HMMR: variants seen among roughly 807,000 people sequenced by gnomAD.
HMMR encodes hyaluronan mediated motility receptor, also known as intracellular hyaluronic acid-binding protein.
A neutral mutation model predicts 101.0 loss-of-function variants in HMMR; 108 were observed. The observed-to-expected ratio is 1.07, with a 90% CI of 0.92 to 1.25. The LOEUF (loss-of-function observed/expected upper bound fraction) is 1.25. Ranked by LOEUF, HMMR falls within the 50% of genes most tolerant of loss-of-function variation. The probability of loss-of-function intolerance (pLI) is 0.00; values close to 1 mark genes in which losing one functional copy is unlikely to be tolerated. For synonymous variants in HMMR, 296 were observed against 276.4 expected, an observed-to-expected ratio of 1.07 and a Z score of -0.70; for missense variants, 813 against 788.7, an observed-to-expected ratio of 1.03 and a Z score of -0.37.
chr5:163,481,195 C>T (rs186694280), intron 12 of HMMR, among the ~76,000 whole-genome samples: 1 of 151,590 alleles, frequency 6.6e-6, no homozygotes, highest in Non-Finnish European at 1.5e-5. Flanking sequence ...TGATCTGTTC[C>T]CACATGTGAT....
chr5:163,482,576 A>T, intron 12 of HMMR, 66 bp from the exon 13 acceptor site: 1 of 1,147,382 alleles, frequency 8.7e-7, no homozygotes, highest in Non-Finnish European at 1.3e-6. Flanking sequence ...AGTGTAAACT[A>T]ATCAGTTATG....
rs762439036 is a variant in HMMR at position 163,491,102 on chromosome 5, ATTC to A, written c.2126-5_2126-3del. 8.8e-5 allele frequency: 134 copies of A among 1,514,144 alleles called. No homozygotes were observed. The highest frequency in any genetic ancestry group is 1.1e-4 in the Non-Finnish European group (121 of 1,118,314). The allele number at this position is 1,514,144 out of a possible 1,614,324, so 93.8% of individuals were successfully genotyped here. ...AGATTACTAATCCTTCTTTTCAATA[ATTC>A]TTCTAGGCAATACAAACTGTTACCG... is the stretch of plus-strand genomic sequence containing the variant. On this transcript the variant is annotated splice_region_variant and splice_polypyrimidine_tract_variant and intron_variant, in intron 17 of 17. Transcript: ENST00000393915.
chr5:163,460,828 G>A, intron 1 of HMMR, 90 bp downstream of exon 1: 1 of 1,134,330 alleles, frequency 8.8e-7, no homozygotes, highest in Non-Finnish European at 1.3e-6. Context: ...AGCAGGAGGC[G>A]ATTTTAGGGT....
rs757494023 is a variant in HMMR at position 163,469,843 on chromosome 5, A to G, written c.462+14A>G. 2 of 1,529,698 alleles carry G rather than the reference A, an allele frequency of 1.3e-6. No individual in the cohort carries two copies. Among genetic ancestry groups the G allele is most frequent in the East Asian group, 2.3e-5 (1 of 44,298 alleles). The allele number at this position is 1,529,698 out of a possible 1,614,324, so 94.8% of individuals were successfully genotyped here. A position where few individuals can be genotyped will look rare whatever the true frequency, so the allele number is the denominator to read the frequency against. On this transcript the variant is annotated intron_variant, in intron 5 of 17. Coordinates refer to ENST00000393915, the MANE Select transcript of HMMR (RefSeq NM_001142556.2). ...CTAAAATCTAAGGTATCTGAGCCTCATGATAATATTTACAATTGAATAAAT... is the reference window on the plus strand; with the variant it reads ...CTAAAATCTAAGGTATCTGAGCCTCGTGATAATATTTACAATTGAATAAAT...
Position 163,483,073 on chromosome 5 carries a change from A to G in HMMR, c.1586A>G (p.Glu529Gly). Reference sequence around the variant, plus strand: ...GCACTAAAGGAAACAGAAATTAAAGAAATCACAGTTTCTTTTCTTCAAAAA... The same window carrying G: ...GCACTAAAGGAAACAGAAATTAAAGGAATCACAGTTTCTTTTCTTCAAAAA... Reference protein sequence around the residue: ...KSALKETEIKEITVSFLQKIT... With the variant: ...KSALKETEIKGITVSFLQKIT... The change falls in exon 14 of 18, where the codon GAA becomes GGA. Residue 529 changes from glutamate to glycine, a missense_variant. Physicochemically the swap from Glu to Gly is moderately conservative, Grantham distance 98. Transcript: ENST00000393915. 1 of 1,612,866 alleles carries G rather than the reference A, an allele frequency of 6.2e-7. No homozygotes were observed. Among genetic ancestry groups the G allele is most frequent in the Non-Finnish European group, 8.5e-7 (1 of 1,179,310 alleles).
chr5:163,469,146 C>G (rs924361366), intron 4 of HMMR, among the ~76,000 whole-genome samples: 4 of 151,744 alleles, frequency 2.6e-5, no homozygotes, highest in Non-Finnish European at 4.4e-5. Flanking sequence ...GGGTGGATCA[C>G]GAGGTCAGGA....
intron 1 of HMMR, 72 bp downstream of exon 1, chr5:163,460,810 G>A: frequency 1.4e-6 from 2 of 1,423,342 alleles, no homozygotes; most frequent in Non-Finnish European, 1.9e-6. Flanking sequence ...CTCCCTTCTT[G>A]GGAGGCAAGC....
chr5:163,463,848 TC>T lies in HMMR; in HGVS notation c.47-6del. 8.1e-7 allele frequency: 1 copy of T among 1,237,242 alleles called. No homozygotes were observed. Among genetic ancestry groups the T allele is most frequent in the Non-Finnish European group, 1.1e-6 (1 of 909,352 alleles). 76.6% of individuals were successfully genotyped at this position (1,237,242 alleles called of 1,614,324 possible). On this transcript the variant is annotated splice_polypyrimidine_tract_variant and splice_region_variant and intron_variant, in intron 1 of 17. Transcript: ENST00000393915. ...AGATAATATATTAATGTTTTCTATT[TC>T]CTCTAGGTTGTGCACCATCTCCAGG...
rs910926484 is a variant in HMMR, at chr5:163,478,593, T to C, written c.1269-91T>C. 1.2e-5 allele frequency: 9 copies of C among 773,304 alleles called. No homozygotes were observed. In the African/African-American group the frequency reaches 1.5e-4, roughly 13 times the overall value. The allele number at this position is 773,304 out of a possible 1,614,324, so 47.9% of individuals were successfully genotyped here. On this transcript the variant is annotated intron_variant, in intron 11 of 17. Coordinates refer to ENST00000393915, the MANE Select transcript of HMMR (RefSeq NM_001142556.2). ...TGCAGTGGTGAAGATATGAGCTATA[T>C]GATTCACAGTTTCAAAGGTAAATAC...
chr5:163,473,252 A>G lies in HMMR; in HGVS notation c.724A>G (p.Ser242Gly). ...ACTCTTGGAATACATCGAAGAAATT[A>G]GGTAATATGAGCAGTAGCTTTAAAT... ...EKLLEYIEEI[S>G]CASDQVEKYK... The change falls in exon 8 of 18, where the codon AGT becomes GGT. Residue 242 changes from serine (S) to glycine (G), a missense_variant and splice_region_variant. By Grantham distance (56) the Ser-to-Gly change is moderately conservative (BLOSUM62 0). Transcript: ENST00000393915. The G allele has an allele frequency of 6.5e-7, 1 of 1,542,654 alleles. No individual in the cohort carries two copies. Among genetic ancestry groups the G allele is most frequent in the Non-Finnish European group, 8.9e-7 (1 of 1,119,448 alleles).
intron 11 of HMMR, 24 bp from the exon 12 acceptor site, chr5:163,478,660 C>G: frequency 7.1e-7 from 1 of 1,403,554 alleles, no homozygotes; most frequent in Non-Finnish European, 1.0e-6. Context: ...GGCATTTTAT[C>G]TTTCAATTAT....
At chr5:163,460,807 C>A in intron 1 of HMMR, 69 bp downstream of exon 1, 1 of 1,426,246 alleles carries the variant, frequency 7.0e-7, no homozygotes, top group South Asian at 1.2e-5. Context: ...CAGCTCCCTT[C>A]TTGGGAGGCA....
intron 7 of HMMR, among the ~76,000 whole-genome samples, chr5:163,472,075 G>GC (rs946986715): frequency 2.0e-5 from 3 of 150,272 alleles, no homozygotes; most frequent in Middle Eastern, 3.2e-3. Context: ...TAGAGATGGG[G>GC]CATTGCTTTG....
chr5:163,482,570 TA>T, intron 12 of HMMR, 71 bp from the exon 13 acceptor site: 1 of 1,094,190 alleles, frequency 9.1e-7, no homozygotes, highest in Non-Finnish European at 1.4e-6. Flanking sequence ...ATATAAAGTG[TA>T]AACTAATCAG....
Position 163,464,713 on chromosome 5 carries a change from T to C in HMMR, c.146-10T>C. On this transcript the variant is annotated splice_polypyrimidine_tract_variant and intron_variant, in intron 2 of 17. Transcript: ENST00000393915. ...ATCAACCATGATCTGTACAATTCATTTTTCCGCAGAATCTAAACAAAATCT... is the reference window on the plus strand; with the variant it reads ...ATCAACCATGATCTGTACAATTCATCTTTCCGCAGAATCTAAACAAAATCT... 1 of 1,588,476 alleles carries C rather than the reference T, an allele frequency of 6.3e-7. No individual in the cohort carries two copies. The highest frequency in any genetic ancestry group is 1.8e-4 in the Middle Eastern group (1 of 5,508).
In HMMR at chr5:163,473,527, G is replaced by A; in HGVS notation, c.874G>A (p.Val292Met). 1.9e-6 allele frequency: 3 copies of A among 1,580,782 alleles called. No individual in the cohort carries two copies. Among genetic ancestry groups the A allele is most frequent in the Non-Finnish European group, 2.6e-6 (3 of 1,161,638 alleles). ...ILSKQVEDLNVKCQLLEKEKE... is the reference protein window; with the variant it reads ...ILSKQVEDLNMKCQLLEKEKE... The stretch of plus-strand genomic sequence containing the variant: ...ATCTAAACAAGTAGAAGATCTAAAT[G>A]TGAAATGTCAGCTGCTTGAAAAAGA... Residue 292 changes from valine to methionine, a missense_variant, in exon 9 of 18, where the codon GTG becomes ATG. Physicochemically the swap from Val to Met is conservative, Grantham distance 21. Transcript: ENST00000393915.
intron 12 of HMMR, among the ~76,000 whole-genome samples, chr5:163,481,262 T>C (rs942443401): frequency 7.9e-5 from 12 of 151,524 alleles, no homozygotes; most frequent in African/African-American, 2.9e-4. Flanking sequence ...TTATTTATAA[T>C]TTTTATTGTA....
At chr5:163,475,927 A>G (rs1363122124) in intron 11 of HMMR, among the ~76,000 whole-genome samples, 1 of 152,120 alleles carries the variant, frequency 6.6e-6, no homozygotes, top group Non-Finnish European at 1.5e-5. Flanking sequence ...TTTAAGGCCA[A>G]AGAGAGTTTA....
At position 163,473,369 on chromosome 5, in the gene HMMR, T is replaced by G; in HGVS notation, c.726-10T>G. On this transcript the variant is annotated splice_polypyrimidine_tract_variant and intron_variant, in intron 8 of 17. Coordinates refer to ENST00000393915, the MANE Select transcript of HMMR (RefSeq NM_001142556.2). ...AGATGTGCTTTTTAAGATAATTTGTTTTAATGCAGTTGTGCTTCAGATCAA... is the reference window on the plus strand; with the variant it reads ...AGATGTGCTTTTTAAGATAATTTGTGTTAATGCAGTTGTGCTTCAGATCAA... The G allele has an allele frequency of 1.9e-6, 3 of 1,602,416 alleles. No homozygotes were observed. Among genetic ancestry groups the G allele is most frequent in the Non-Finnish European group, 2.6e-6 (3 of 1,173,354 alleles).
Sources: gnomAD v4.1 joint callset for allele counts (sites outside exome capture counted in the v4.1 genomes callset) on GRCh38, gnomAD v4.1.1 for gene constraint, MANE v1.5 for transcripts, NCBI Gene and HGNC (gene_info 2026-07-23, HGNC 2026-07-21) for gene names.